Variants in CACNA1C observed in about 807,000 individuals in gnomAD.
The protein encoded by CACNA1C is calcium voltage-gated channel subunit alpha1 C.
CACNA1C carries 30 observed loss-of-function variants against 229.0 expected under a neutral mutation model. That is an observed-to-expected ratio of 0.13 (90% CI 0.10 to 0.18). The LOEUF (loss-of-function observed/expected upper bound fraction) is 0.18. Among genes scored for constraint, CACNA1C ranks in the 10% least tolerant of loss-of-function variants. The probability of loss-of-function intolerance (pLI) is 1.00; values close to 1 mark genes in which losing one functional copy is unlikely to be tolerated. For synonymous variants in CACNA1C, 1,114 were observed against 1,132.5 expected, an observed-to-expected ratio of 0.98 and a Z score of 0.33; for missense variants, 1,658 against 2,845.0, an observed-to-expected ratio of 0.58 and a Z score of 9.49.
intron 1 of CACNA1C, chr12:1,992,872 A>G (rs972852222): frequency 2.2e-6 from 1 of 449,902 alleles, no homozygotes; most frequent in African/African-American, 2.0e-5. Context: ...CAAAAGTGAT[A>G]CATAAAGAAA....
In CACNA1C at chr12:2,202,656, A is replaced by T. The variant is rs541386204; in HGVS notation, c.477+82226A>T. Reference sequence around the variant, plus strand: ...CCTCCTCGAAGGCAGCTCTGCCACCACTAACAGCCACAGAGGAGAAGAGGA... The same window carrying T: ...CCTCCTCGAAGGCAGCTCTGCCACCTCTAACAGCCACAGAGGAGAAGAGGA... On this transcript the variant is annotated intron_variant, in intron 3 of 46. Transcript: ENST00000399655. Among the ~76,000 whole-genome samples, 4 of 152,222 alleles carry T rather than the reference A, an allele frequency of 2.6e-5. No individual in the cohort carries two copies. In the East Asian group the frequency reaches 7.7e-4, roughly 29 times the overall value.
intron 3 of CACNA1C, among the ~76,000 whole-genome samples, chr12:2,151,501 GC>G (rs2095264007): frequency 6.6e-6 from 1 of 152,146 alleles, no homozygotes; most frequent in Non-Finnish European, 1.5e-5. Flanking sequence ...GAGCAACTCT[GC>G]ACAGAAGACT....
chr12:2,080,605 A>AAAAAAC (rs1555138766), intron 1 of CACNA1C, among the ~76,000 whole-genome samples: 35 of 147,700 alleles, frequency 2.4e-4, no homozygotes, highest in African/African-American at 3.7e-4. Context: ...TGTCTCAAAA[A>AAAAAAC]AAAAAACAAA....
At chr12:2,543,315 G>C (rs1016120047) in intron 9 of CACNA1C, among the ~76,000 whole-genome samples, 2 of 152,186 alleles carry the variant, frequency 1.3e-5, no homozygotes, top group Admixed American at 1.3e-4. Context: ...AGGAAGTGAA[G>C]CAAGTTGGCT....
intron 3 of CACNA1C, among the ~76,000 whole-genome samples, chr12:2,170,765 A>G (rs1051914369): frequency 6.6e-6 from 1 of 152,196 alleles, no homozygotes; most frequent in Non-Finnish European, 1.5e-5. Flanking sequence ...GGAAGCAAGG[A>G]AGTTGAGGAC....
rs1249218497 is a variant in CACNA1C at position 2,354,013 on chromosome 12, A to T, written c.478-94963A>T. Among the ~76,000 whole-genome samples, 1 of 152,164 alleles carries T rather than the reference A, an allele frequency of 6.6e-6. No individual in the cohort carries two copies. Among genetic ancestry groups the T allele is most frequent in the African/African-American group, 2.4e-5 (1 of 41,438 alleles). ...CCACTGTGTTCACACAGGTTAGAGGAAGGAGAATCTGGAGACAAATGCCTG... is the reference window on the plus strand; with the variant it reads ...CCACTGTGTTCACACAGGTTAGAGGTAGGAGAATCTGGAGACAAATGCCTG... On this transcript the variant is annotated intron_variant, in intron 3 of 46. Coordinates refer to ENST00000399655, the MANE Select transcript of CACNA1C (RefSeq NM_000719.7). The surrounding 1 kb of genome is among the most constrained non-coding windows in gnomAD (Gnocchi z 4.6).
At chr12:2,495,766 C>T (rs1238769258) in intron 7 of CACNA1C, among the ~76,000 whole-genome samples, 2 of 152,164 alleles carry the variant, frequency 1.3e-5, no homozygotes, top group African/African-American at 2.4e-5. Context: ...CAGCACCTTC[C>T]CAAAATGGCC....
intron 4 of CACNA1C, among the ~76,000 whole-genome samples, chr12:2,450,536 A>T (rs1360870135): frequency 3.4e-5 from 4 of 119,184 alleles, no homozygotes; most frequent in African/African-American, 1.5e-4. Flanking sequence ...CCTGGGCAAC[A>T]GAGCGAGACT....
chr12:2,000,753 C>A (rs1223091961), intron 1 of CACNA1C, among the ~76,000 whole-genome samples: 1 of 152,044 alleles, frequency 6.6e-6, no homozygotes, highest in African/African-American at 2.4e-5. Flanking sequence ...AAGAGATAAC[C>A]AGGCCGGGCA....
chr12:2,336,638 C>T (rs1051537758), intron 3 of CACNA1C, among the ~76,000 whole-genome samples: 1 of 152,288 alleles, frequency 6.6e-6, no homozygotes, highest in South Asian at 2.1e-4. Context: ...TATTGCCCTT[C>T]CGGAAGGCTC....
At chr12:2,553,953 G>A (rs2042703948) in intron 10 of CACNA1C, among the ~76,000 whole-genome samples, 2 of 152,214 alleles carry the variant, frequency 1.3e-5, no homozygotes, top group African/African-American at 4.8e-5. Flanking sequence ...GGACGTCCTG[G>A]AGTTAAGGAT....
chr12:2,645,690 T>C (rs2094277902), intron 30 of CACNA1C, among the ~76,000 whole-genome samples: 1 of 152,186 alleles, frequency 6.6e-6, no homozygotes, highest in African/African-American at 2.4e-5. Flanking sequence ...CTGCTTCCTA[T>C]TGTTACCATG....
At chr12:2,294,239 C>T (rs538452256) in intron 3 of CACNA1C, among the ~76,000 whole-genome samples, 1 of 152,254 alleles carries the variant, frequency 6.6e-6, no homozygotes, top group South Asian at 2.1e-4. Context: ...ATTTGAGCTT[C>T]ATCTTAAAGA....
At chr12:2,103,298 C>T (rs2077079285) in intron 1 of CACNA1C, among the ~76,000 whole-genome samples, 1 of 152,130 alleles carries the variant, frequency 6.6e-6, no homozygotes, top group South Asian at 2.1e-4. Flanking sequence ...GAGATGGTAC[C>T]TCATTGTGGT....
intron 1 of CACNA1C, among the ~76,000 whole-genome samples, chr12:1,999,165 G>A (rs140449567): frequency 2.0e-5 from 3 of 152,326 alleles, no homozygotes; most frequent in African/African-American, 4.8e-5. Flanking sequence ...TCTGGGGATG[G>A]TGCTCAGCAA....
intron 1 of CACNA1C, among the ~76,000 whole-genome samples, chr12:2,036,664 C>T (rs1217972399): frequency 2.0e-5 from 3 of 152,158 alleles, no homozygotes; most frequent in East Asian, 1.9e-4. Context: ...CAGGGTTTCA[C>T]CATGTTGGTC....
Position 2,457,561 on chromosome 12 carries a change from T to G in CACNA1C, c.618-6T>G, listed in dbSNP as rs2154564923. ...TGACAGTCCTTCTCTCTTTCCTCTC[T>G]TCTAGGCTTTTTAGTGCAATTTTAG... On this transcript the variant is annotated splice_region_variant and splice_polypyrimidine_tract_variant and intron_variant, in intron 4 of 46. Transcript: ENST00000399655. 1 of 1,610,924 alleles carries G rather than the reference T, an allele frequency of 6.2e-7. No homozygotes were observed. The highest frequency in any genetic ancestry group is 8.5e-7 in the Non-Finnish European group (1 of 1,178,470).
At chr12:2,099,379 G>A (rs1039873244) in intron 1 of CACNA1C, among the ~76,000 whole-genome samples, 2 of 152,090 alleles carry the variant, frequency 1.3e-5, no homozygotes, top group Non-Finnish European at 2.9e-5. Flanking sequence ...GACGGCTGCC[G>A]AGAGGTGTGC....
At chr12:2,484,174 C>G (rs1032436529) in intron 5 of CACNA1C, among the ~76,000 whole-genome samples, 6 of 152,098 alleles carry the variant, frequency 3.9e-5, no homozygotes, top group Non-Finnish European at 8.8e-5. Flanking sequence ...AAAATAGTTC[C>G]AAGAAGACAT....
Sources: allele counts gnomAD v4.1 joint callset (sites outside exome capture counted in the v4.1 genomes callset), GRCh38; gene constraint gnomAD v4.1.1; non-coding constraint Gnocchi (gnomAD v3.1); transcripts MANE v1.5; gene names NCBI Gene and HGNC (gene_info 2026-07-23, HGNC 2026-07-21).